ASPSCR1: variants seen among roughly 807,000 people sequenced by gnomAD.
ASPSCR1 encodes the protein ASPSCR1 tether for SLC2A4, UBX domain containing, also known as tether containing UBX domain for GLUT4.
A neutral mutation model predicts 68.9 loss-of-function variants in ASPSCR1; 55 were observed. The ratio of observed to expected loss-of-function variants is 0.80; its 90% CI spans 0.64 to 1.00. The LOEUF (loss-of-function observed/expected upper bound fraction) is 1.00, where lower values mean the gene tolerates loss of function less well. ASPSCR1 is among the 50% of genes least tolerant of loss of function. The pLI, the probability that ASPSCR1 is intolerant of heterozygous loss-of-function variation, is 0.00. For missense variants in ASPSCR1, 765 were observed against 762.2 expected, an observed-to-expected ratio of 1.00 and a Z score of -0.04; for synonymous variants, 352 against 332.6, an observed-to-expected ratio of 1.06 and a Z score of -0.63.
At chr17:82,009,270 C>T in intron 8 of ASPSCR1, 79 bp downstream of exon 8, 2 of 1,485,558 alleles carry the variant, frequency 1.3e-6, no homozygotes, top group Non-Finnish European at 9.0e-7. Flanking sequence ...CCGCTGTCCC[C>T]AGTGCCAGCA....
chr17:81,998,872 G>T (rs1028846130), intron 7 of ASPSCR1, among the ~76,000 whole-genome samples: 1 of 152,264 alleles, frequency 6.6e-6, no homozygotes, highest in Non-Finnish European at 1.5e-5. Flanking sequence ...CCTTGGCGGG[G>T]AGTGCATGCA....
chr17:82,009,437 G>T (rs886993606), intron 8 of ASPSCR1, 49 bp from the exon 9 acceptor site: 3 of 1,513,472 alleles, frequency 2.0e-6, no homozygotes, highest in Non-Finnish European at 2.7e-6. Flanking sequence ...CCTGTTGCCA[G>T]GGCCCCCATT....
chr17:81,979,271 G>A (rs748782188), intron 2 of ASPSCR1, 32 bp downstream of exon 2: 2 of 1,605,544 alleles, frequency 1.2e-6, no homozygotes, highest in East Asian at 4.5e-5. Flanking sequence ...AGCAGGGTCT[G>A]AGTATATCTG....
intron 5 of ASPSCR1, chr17:81,995,150 C>T (rs937919909): frequency 1.8e-5 from 9 of 501,344 alleles, no homozygotes; most frequent in African/African-American, 6.0e-5. Context: ...TTGCTTTGCT[C>T]GGTGTTTTGA....
intron 7 of ASPSCR1, among the ~76,000 whole-genome samples, chr17:82,001,437 C>T (rs949895310): frequency 1.3e-5 from 2 of 152,186 alleles, no homozygotes; most frequent in African/African-American, 4.8e-5. Context: ...CTGAGGCTGT[C>T]CCTAGGGGCA....
intron 4 of ASPSCR1, among the ~76,000 whole-genome samples, chr17:81,988,003 C>T (rs2042050356): frequency 1.3e-5 from 2 of 150,668 alleles, no homozygotes; most frequent in Non-Finnish European, 3.0e-5. Flanking sequence ...ACTAAAAATA[C>T]AAAAATTAGC....
At chr17:82,013,535 GC>G (rs1468269906) in intron 12 of ASPSCR1, 1 of 152,244 alleles carries the variant, frequency 6.6e-6, no homozygotes, top group Non-Finnish European at 1.5e-5. Context: ...AAGGAAGCCT[GC>G]CTCCCTGGCA....
chr17:82,001,983 T>C (rs543042974), intron 7 of ASPSCR1, among the ~76,000 whole-genome samples: 31 of 151,186 alleles, frequency 2.1e-4, no homozygotes, highest in African/African-American at 6.5e-4. Flanking sequence ...TATTTTTCTT[T>C]TCTTTTTTTT....
Position 81,995,770 on chromosome 17 carries a change from C to T in ASPSCR1, c.433-222C>T, listed in dbSNP as rs763359774. Among the ~76,000 whole-genome samples, 3 of 152,228 alleles carry T rather than the reference C, an allele frequency of 2.0e-5. No homozygotes were observed. The South Asian group carries it at 6.2e-4, about 31-fold the overall frequency. On this transcript the variant is annotated intron_variant, in intron 5 of 15. Coordinates refer to ENST00000306739, the MANE Select transcript of ASPSCR1 (RefSeq NM_024083.4). ...TGCGGAGACCAGGCTGGGGGAGACACGGTCAGGCATGGGCAGCAGGTCCTG... is the reference window on the plus strand; with the variant it reads ...TGCGGAGACCAGGCTGGGGGAGACATGGTCAGGCATGGGCAGCAGGTCCTG...
intron 7 of ASPSCR1, among the ~76,000 whole-genome samples, chr17:81,998,879 T>TGCAG (rs2042439841): frequency 6.6e-6 from 1 of 152,250 alleles, no homozygotes; most frequent in African/African-American, 2.4e-5. Flanking sequence ...GGGGAGTGCA[T>TGCAG]GCAGGCAGGC....
chr17:81,979,393 A>T (rs2041722385), intron 2 of ASPSCR1, among the ~76,000 whole-genome samples, 154 bp downstream of exon 2: 1 of 151,898 alleles, frequency 6.6e-6, no homozygotes, highest in Admixed American at 6.6e-5. Context: ...GCAGGGCCAC[A>T]CTCTCTCCAA....
chr17:81,994,364 A>G (rs1225732360), intron 4 of ASPSCR1, among the ~76,000 whole-genome samples: 1 of 152,210 alleles, frequency 6.6e-6, no homozygotes, highest in Non-Finnish European at 1.5e-5. Context: ...GGAGGACATC[A>G]GGCGGTGGAG....
chr17:81,989,881 G>A lies in ASPSCR1; in HGVS notation c.374+4274G>A, dbSNP rs1300440901. Among the ~76,000 whole-genome samples, 5 of 152,190 alleles carry A rather than the reference G, an allele frequency of 3.3e-5. No homozygotes were observed. The East Asian group carries it at 7.7e-4, about 23-fold the overall frequency. On this transcript the variant is annotated intron_variant, in intron 4 of 15. Transcript: ENST00000306739. ...TGGCTCACTGCAACCTCCGCCTCCC[G>A]GGTTCAAGCAATTCTCCTGCCTCAG...
rs1316153236 is a variant in ASPSCR1 at position 81,999,552 on chromosome 17, G to C, written c.933+2706G>C. 6.6e-6 allele frequency among the ~76,000 whole-genome samples: 1 copy of C among 151,918 alleles called. No individual in the cohort carries two copies. Among genetic ancestry groups the C allele is most frequent in the African/African-American group, 2.4e-5 (1 of 41,342 alleles). The stretch of plus-strand genomic sequence containing the variant: ...TGAGGCAGGAGAATCTCTTGAACCC[G>C]GGAGGCGGAGGTTGCAGTGAGCCGA... On this transcript the variant is annotated intron_variant, in intron 7 of 15. Transcript: ENST00000306739. This position sits in a 1 kb window ranked among gnomAD's most constrained non-coding sequence, Gnocchi z 4.4.
chr17:81,996,016 G>T lies in ASPSCR1; in HGVS notation c.457G>T (p.Gly153Cys), dbSNP rs1270822530. Residue 153 changes from glycine to cysteine, a missense_variant, in exon 6 of 16, where the codon GGC becomes TGC. Coordinates refer to ENST00000306739, the MANE Select transcript of ASPSCR1 (RefSeq NM_024083.4). ...DEVTGEAALR[G>C]TTLQSLGLTG... Reference sequence around the variant, plus strand: ...GGTGACGGGTGAAGCTGCCCTGCGGGGCACGACGCTGCAGTCGCTGGGCCT... The same window carrying T: ...GGTGACGGGTGAAGCTGCCCTGCGGTGCACGACGCTGCAGTCGCTGGGCCT... 1.2e-6 allele frequency: 2 copies of T among 1,610,690 alleles called. No homozygotes were observed. The highest frequency in any genetic ancestry group is 1.7e-6 in the Non-Finnish European group (2 of 1,179,326).
intron 4 of ASPSCR1, among the ~76,000 whole-genome samples, chr17:81,989,694 T>C (rs1335160919): frequency 3.9e-5 from 6 of 152,184 alleles, no homozygotes. Flanking sequence ...GTTTGAAACG[T>C]TGCAGCTCCA....
chr17:81,979,817 A>T (rs1425738552), intron 2 of ASPSCR1, among the ~76,000 whole-genome samples: 1 of 152,064 alleles, frequency 6.6e-6, no homozygotes, highest in Admixed American at 6.5e-5. Context: ...CTGGAATTAC[A>T]CGTACGCTTC....
At chr17:82,015,956 C>T (rs779740951) in intron 12 of ASPSCR1, 58 of 165,318 alleles carry the variant, frequency 3.5e-4, no homozygotes, top group Non-Finnish European at 6.1e-4. Flanking sequence ...GAGGTTTCGG[C>T]GTTCCTGGGC....
At chr17:81,985,264 G>T (rs568756749) in intron 3 of ASPSCR1, among the ~76,000 whole-genome samples, 1 of 151,348 alleles carries the variant, frequency 6.6e-6, no homozygotes, top group African/African-American at 2.4e-5. Context: ...ACACACGCAC[G>T]CACACCTGCA....
Sources: allele counts gnomAD v4.1 joint callset (sites outside exome capture counted in the v4.1 genomes callset), GRCh38; gene constraint gnomAD v4.1.1; non-coding constraint Gnocchi (gnomAD v3.1); transcripts MANE v1.5; gene names NCBI Gene and HGNC (gene_info 2026-07-23, HGNC 2026-07-21).